FDX1: variants seen among roughly 807,000 people sequenced by gnomAD.
FDX1 encodes ferredoxin 1.
In FDX1, 9 loss-of-function variants were observed where a neutral mutation model predicts 14.9. That is an observed-to-expected ratio of 0.60 (90% CI 0.36 to 1.05). FDX1 has a LOEUF of 1.05. Ranked by LOEUF, FDX1 falls within the 50% of genes least tolerant of loss-of-function variation. The probability of loss-of-function intolerance (pLI) is 0.01; values close to 1 mark genes in which losing one functional copy is unlikely to be tolerated. For synonymous variants in FDX1, 92 were observed against 99.4 expected, an observed-to-expected ratio of 0.93 and a Z score of 0.44; for missense variants, 204 against 237.2, an observed-to-expected ratio of 0.86 and a Z score of 0.92.
At chr11:110,449,864 A>T (rs762721671) in intron 2 of FDX1, among the ~76,000 whole-genome samples, 7 of 152,082 alleles carry the variant, frequency 4.6e-5, no homozygotes, top group Non-Finnish European at 1.0e-4. Flanking sequence ...CTGACCTCAA[A>T]CAGTTTGCCT....
intron 2 of FDX1, among the ~76,000 whole-genome samples, chr11:110,439,503 G>A (rs559292215): frequency 7.9e-5 from 12 of 152,004 alleles, no homozygotes; most frequent in Admixed American, 5.2e-4. Flanking sequence ...CACCACACCC[G>A]GCCCTCTGCC....
At chr11:110,446,693 C>T (rs759939001) in intron 2 of FDX1, among the ~76,000 whole-genome samples, 108 of 152,304 alleles carry the variant, frequency 7.1e-4, no homozygotes, top group Admixed American at 1.3e-3. Context: ...TCCAGTCCAT[C>T]GGCACCTCCT....
chr11:110,443,427 T>G (rs1306548838), intron 2 of FDX1, among the ~76,000 whole-genome samples: 2 of 151,656 alleles, frequency 1.3e-5, no homozygotes, highest in Non-Finnish European at 2.9e-5. Flanking sequence ...GTTTTTGGAC[T>G]TAATAATATC....
At chr11:110,459,363 C>T (rs1165231108) in intron 3 of FDX1, among the ~76,000 whole-genome samples, 3 of 152,188 alleles carry the variant, frequency 2.0e-5, no homozygotes, top group Non-Finnish European at 4.4e-5. Flanking sequence ...ATCATATCGA[C>T]TTATCTATTG....
intron 1 of FDX1, among the ~76,000 whole-genome samples, chr11:110,431,006 C>T (rs1446358793): frequency 6.6e-6 from 1 of 151,688 alleles, no homozygotes. Flanking sequence ...ACAGTGTAGA[C>T]CTCCTATGGT....
intron 3 of FDX1, among the ~76,000 whole-genome samples, chr11:110,461,267 G>A (rs1001762996): frequency 3.3e-5 from 5 of 152,040 alleles, no homozygotes; most frequent in Admixed American, 6.6e-5. Context: ...AGGCTGAGGC[G>A]GATAGATCAC....
chr11:110,435,833 G>C lies in FDX1; in HGVS notation c.186-1G>C, dbSNP rs749385109. Reference sequence around the variant, plus strand: ...TACTAAAGGACTGTTTTTTTTTCCAGCTCAGAAGATAAAATAACAGTCCAC... The same window carrying C: ...TACTAAAGGACTGTTTTTTTTTCCACCTCAGAAGATAAAATAACAGTCCAC... On this transcript the variant is annotated splice_acceptor_variant, in intron 1 of 3. Transcript: ENST00000260270. LOFTEE classifies it high-confidence loss of function. 1 of 1,586,446 alleles carries C rather than the reference G, an allele frequency of 6.3e-7. No individual in the cohort carries two copies. The highest frequency in any genetic ancestry group is 1.4e-5 in the African/African-American group (1 of 73,366).
At chr11:110,450,203 T>C (rs1946477545) in intron 2 of FDX1, among the ~76,000 whole-genome samples, 1 of 152,128 alleles carries the variant, frequency 6.6e-6, no homozygotes, top group Non-Finnish European at 1.5e-5. Context: ...CACTGTATCA[T>C]ATAATGAAAT....
intron 2 of FDX1, among the ~76,000 whole-genome samples, chr11:110,439,995 C>T (rs1946395124): frequency 6.6e-6 from 1 of 152,018 alleles, no homozygotes; most frequent in Non-Finnish European, 1.5e-5. Flanking sequence ...AGATGTATGG[C>T]TTTATTTTTC....
chr11:110,435,740 A>G (rs1946364001), intron 1 of FDX1, 94 bp from the exon 2 acceptor site: 3 of 918,164 alleles, frequency 3.3e-6, no homozygotes, highest in African/African-American at 3.4e-5. Flanking sequence ...CTGTATTCCC[A>G]TCTACTCTGG....
At chr11:110,439,219 C>A (rs1432792430) in intron 2 of FDX1, among the ~76,000 whole-genome samples, 1 of 151,020 alleles carries the variant, frequency 6.6e-6, no homozygotes, top group East Asian at 2.0e-4. Flanking sequence ...CACTTCCCCC[C>A]AACCCCGAGA....
intron 2 of FDX1, among the ~76,000 whole-genome samples, chr11:110,437,393 A>AT (rs961819385): frequency 9.7e-5 from 14 of 144,262 alleles, no homozygotes; most frequent in African/African-American, 2.3e-4. Flanking sequence ...AATGAAGTAG[A>AT]TTTTTTTTTT....
chr11:110,449,879 C>CG (rs1207300308), intron 2 of FDX1, among the ~76,000 whole-genome samples: 38 of 152,322 alleles, frequency 2.5e-4, no homozygotes, highest in African/African-American at 7.7e-4. Context: ...TTGCCTGCCT[C>CG]GGCCTCCCAA....
chr11:110,454,889 T>C (rs1946511882), intron 2 of FDX1, among the ~76,000 whole-genome samples: 1 of 152,222 alleles, frequency 6.6e-6, no homozygotes, highest in African/African-American at 2.4e-5. Flanking sequence ...TAACAGCCCA[T>C]GCCCCTAACT....
intron 2 of FDX1, among the ~76,000 whole-genome samples, chr11:110,453,471 CTT>C (rs35726307): frequency 2.1e-5 from 3 of 146,132 alleles, no homozygotes; most frequent in Non-Finnish European, 1.5e-5. Context: ...AAAGGAGTAA[CTT>C]TTTTTTTTTT....
chr11:110,442,336 A>G (rs1470081812), intron 2 of FDX1, among the ~76,000 whole-genome samples: 1 of 152,210 alleles, frequency 6.6e-6, no homozygotes, highest in Non-Finnish European at 1.5e-5. Context: ...CTTGCATGAT[A>G]TGCCTGGAAA....
intron 3 of FDX1, among the ~76,000 whole-genome samples, chr11:110,460,114 T>C (rs1946547388): frequency 6.6e-6 from 1 of 152,262 alleles, no homozygotes; most frequent in Non-Finnish European, 1.5e-5. Context: ...TTGTCCAAAT[T>C]GGCTTGCCAC....
intron 2 of FDX1, among the ~76,000 whole-genome samples, chr11:110,452,716 A>G (rs1244397343): frequency 6.6e-6 from 1 of 152,240 alleles, no homozygotes; most frequent in Non-Finnish European, 1.5e-5. Context: ...GAAACAAACC[A>G]TGGGACATTC....
intron 1 of FDX1, among the ~76,000 whole-genome samples, chr11:110,434,334 A>ATTTGCTTTTTTTTTT (rs71476086): frequency 7.9e-6 from 1 of 126,408 alleles, no homozygotes; most frequent in African/African-American, 3.0e-5. Flanking sequence ...CGCCCTATTG[A>ATTTGCTTTTTTTTTT]TTTTTTTTTT....
Sources: allele counts gnomAD v4.1 joint callset (sites outside exome capture counted in the v4.1 genomes callset), GRCh38; gene constraint gnomAD v4.1.1; transcripts MANE v1.5; gene names NCBI Gene and HGNC (gene_info 2026-07-23, HGNC 2026-07-21).